Variants in RANBP17 observed in about 807,000 individuals in gnomAD.
The protein encoded by RANBP17 is RAN binding protein 17, also known as ran-binding protein 17.
Under a neutral mutation model 141.2 loss-of-function variants are expected in RANBP17, and 158 were observed. The ratio of observed to expected loss-of-function variants is 1.12; its 90% confidence interval spans 0.98 to 1.28. The LOEUF (loss-of-function observed/expected upper bound fraction) is 1.28, where lower values mean the gene tolerates loss of function less well. RANBP17 is among the 50% of genes most tolerant of loss of function. RANBP17 has a pLI of 0.00. For synonymous variants in RANBP17, 430 were observed against 450.0 expected (o/e 0.96, Z 0.56); for missense variants, 1,438 against 1,290.7 (o/e 1.11, Z -1.75).
chr5:171,136,410 TTTTTCTTTTC>T (rs919912067), intron 14 of RANBP17, among the ~76,000 whole-genome samples: 25 of 152,062 alleles, frequency 1.6e-4, no homozygotes, highest in African/African-American at 5.6e-4. Context: ...CTCACCTTTT[TTTTTCTTTTC>T]TTTTCTTTTC....
At chr5:170,993,838 A>G (rs539869180) in intron 14 of RANBP17, among the ~76,000 whole-genome samples, 25 of 152,202 alleles carry the variant, frequency 1.6e-4, no homozygotes, top group South Asian at 6.2e-4. Context: ...GCTGTTTTCT[A>G]CATATCACAA....
intron 14 of RANBP17, among the ~76,000 whole-genome samples, chr5:171,024,161 T>G (rs1781077564): frequency 6.6e-6 from 1 of 152,100 alleles, no homozygotes. Flanking sequence ...ATTTAATAAC[T>G]GCAAATCAAA....
At chr5:170,976,598 A>G (rs1321222686) in intron 14 of RANBP17, among the ~76,000 whole-genome samples, 4 of 152,298 alleles carry the variant, frequency 2.6e-5, no homozygotes, top group Non-Finnish European at 4.4e-5. Flanking sequence ...CAAAGCAGCA[A>G]TAAGTTGTTA....
chr5:171,100,545 C>A (rs775763197), intron 14 of RANBP17, among the ~76,000 whole-genome samples: 25 of 152,094 alleles, frequency 1.6e-4, no homozygotes, highest in Non-Finnish European at 3.1e-4. Context: ...TTTCCAAAAA[C>A]CAGCTCCTGG....
intron 5 of RANBP17, among the ~76,000 whole-genome samples, chr5:170,901,777 C>T (rs1416658500): frequency 2.0e-5 from 3 of 152,212 alleles, no homozygotes; most frequent in South Asian, 2.1e-4. Context: ...CCTTCACTTA[C>T]AAAGCTTAGT....
At chr5:171,230,416 A>G (rs1357908906) in intron 22 of RANBP17, among the ~76,000 whole-genome samples, 1 of 152,220 alleles carries the variant, frequency 6.6e-6, no homozygotes, top group African/African-American at 2.4e-5. Context: ...AGCTTTAGGC[A>G]GTGAGAGACG....
intron 14 of RANBP17, among the ~76,000 whole-genome samples, chr5:171,051,611 A>G (rs1782954459): frequency 6.6e-6 from 1 of 152,162 alleles, no homozygotes; most frequent in Non-Finnish European, 1.5e-5. Context: ...CTTTATGGCT[A>G]TTACACATTT....
At chr5:171,174,388 A>G (rs535038981) in intron 16 of RANBP17, among the ~76,000 whole-genome samples, 8 of 152,212 alleles carry the variant, frequency 5.3e-5, no homozygotes, top group African/African-American at 1.9e-4. Context: ...TTTCTGTCTA[A>G]ATGGGAAAAG....
intron 14 of RANBP17, among the ~76,000 whole-genome samples, chr5:171,066,244 T>C (rs1057124138): frequency 6.6e-6 from 1 of 152,208 alleles, no homozygotes. Context: ...ATAGTTACCA[T>C]ATTGTACAAT....
At position 171,183,326 on chromosome 5, in the gene RANBP17, A is replaced by G. The variant is rs768640414; in HGVS notation, c.1934A>G (p.Glu645Gly). The G allele has an allele frequency of 1.9e-6, 3 of 1,613,492 alleles. No homozygotes were observed. The highest frequency in any genetic ancestry group is 8.5e-7 in the Non-Finnish European group (1 of 1,179,402). Residue 645 changes from glutamate (E) to glycine (G), a missense_variant, in exon 18 of 28, where the codon GAA (glutamate) becomes GGA (glycine). Glu to Gly is a moderately conservative substitution (Grantham distance 98). Transcript: ENST00000523189. ...TTACTCTTTTGCTTTCATTAGAGTG[A>G]ACACTTCCCTTTTCTTGGCATCAGT... The part of the protein sequence containing the change: ...VKFMLKNHTS[E>G]HFPFLGISDN...
At chr5:170,862,627 A>G (rs1431328889) in intron 1 of RANBP17, among the ~76,000 whole-genome samples, 1 of 152,266 alleles carries the variant, frequency 6.6e-6, no homozygotes, top group African/African-American at 2.4e-5. Flanking sequence ...AGGGAGGGCT[A>G]CGCGGCCGCC....
Position 171,078,130 on chromosome 5 carries a change from CTTTCT to C in RANBP17, c.1711-91996_1711-91992del. On this transcript the variant is annotated intron_variant, in intron 14 of 27. Coordinates refer to ENST00000523189, the MANE Select transcript of RANBP17 (RefSeq NM_022897.5). ...TAAACAACAGATTTTCTTTTCTTTT[CTTTCT>C]TTTTTTTTTTTTTTTTGAGACTGAG... 5.3e-5 allele frequency among the ~76,000 whole-genome samples: 7 copies of C among 133,244 alleles called. No individual in the cohort carries two copies. The South Asian group carries it at 1.5e-3, about 28-fold the overall frequency. The allele number at this position is 133,244 out of a possible 152,430, so 87.4% of individuals were successfully genotyped here. A position where few individuals can be genotyped will look rare whatever the true frequency, so the allele number is the denominator to read the frequency against.
chr5:170,962,947 C>T (rs1016667318), intron 13 of RANBP17, among the ~76,000 whole-genome samples: 38 of 151,966 alleles, frequency 2.5e-4, no homozygotes, highest in Non-Finnish European at 5.1e-4. Context: ...CGTTTTGTTT[C>T]GAGAAGTCAT....
chr5:171,198,007 C>G (rs1388181423), intron 18 of RANBP17, among the ~76,000 whole-genome samples: 1 of 152,304 alleles, frequency 6.6e-6, no homozygotes, highest in East Asian at 1.9e-4. Context: ...CCACTGCACT[C>G]CAGCCTGGAT....
At chr5:171,014,285 C>T (rs930284006) in intron 14 of RANBP17, among the ~76,000 whole-genome samples, 1 of 151,852 alleles carries the variant, frequency 6.6e-6, no homozygotes, top group East Asian at 1.9e-4. Flanking sequence ...ATGAAAATCT[C>T]TACCTTTTAA....
At chr5:171,134,338 G>T (rs561464707) in intron 14 of RANBP17, among the ~76,000 whole-genome samples, 3 of 152,214 alleles carry the variant, frequency 2.0e-5, no homozygotes, top group Admixed American at 6.5e-5. Context: ...GCCTAATAAG[G>T]ATTATCATCT....
At chr5:171,280,098 T>A (rs1401403058) in intron 25 of RANBP17, among the ~76,000 whole-genome samples, 1 of 152,200 alleles carries the variant, frequency 6.6e-6, no homozygotes, top group Non-Finnish European at 1.5e-5. Context: ...AGAGTGGGCT[T>A]AATAAATCAC....
intron 24 of RANBP17, among the ~76,000 whole-genome samples, chr5:171,243,996 T>C (rs989986985): frequency 1.3e-5 from 2 of 151,950 alleles, no homozygotes; most frequent in Non-Finnish European, 2.9e-5. Context: ...GAGAATCACA[T>C]GCACCCAGAT....
At position 171,221,780 on chromosome 5, in the gene RANBP17, G is replaced by A; in HGVS notation, c.2362G>A (p.Val788Ile). Reference sequence around the variant, plus strand: ...TAGATCCCAGCGTTTGAATTTTGATGTATCATCTCCTAATGGAATTCTTCT... The same window carrying A: ...TAGATCCCAGCGTTTGAATTTTGATATATCATCTCCTAATGGAATTCTTCT... The part of the protein sequence containing the change: ...QNRSQRLNFD[V>I]SSPNGILLFR... The change falls in exon 22 of 28, where the codon GTA (valine) becomes ATA (isoleucine). Residue 788 changes from valine to isoleucine, a missense_variant. Transcript: ENST00000523189. 2.5e-6 allele frequency: 4 copies of A among 1,610,184 alleles called. No individual in the cohort carries two copies. Among genetic ancestry groups the A allele is most frequent in the Middle Eastern group, 1.7e-4 (1 of 6,028 alleles).
Sources: allele counts gnomAD v4.1 joint callset (sites outside exome capture counted in the v4.1 genomes callset), GRCh38; gene constraint gnomAD v4.1.1; transcripts MANE v1.5; gene names NCBI Gene and HGNC (gene_info 2026-07-23, HGNC 2026-07-21).